The following ATRNL1 variants were observed in gnomAD, a reference collection of about 807,000 sequenced individuals.
ATRNL1 encodes attractin like 1, also known as attractin-like protein 1.
A neutral mutation model predicts 182.7 loss-of-function variants in ATRNL1; 95 were observed. That is an observed-to-expected ratio of 0.52 (90% confidence interval 0.44 to 0.62). The LOEUF is 0.62. ATRNL1 is among the 20% of genes least tolerant of loss of function. The probability of loss-of-function intolerance (pLI) is 0.00; values close to 1 mark genes in which losing one functional copy is unlikely to be tolerated. For missense variants in ATRNL1, 1,471 were observed against 1,679.5 expected (o/e 0.88, Z 2.17); for synonymous variants, 576 against 568.3 (o/e 1.01, Z -0.19).
At chr10:115,611,082 A>G (rs1857132500) in intron 26 of ATRNL1, among the ~76,000 whole-genome samples, 1 of 149,764 alleles carries the variant, frequency 6.7e-6, no homozygotes, top group Admixed American at 6.7e-5. Context: ...ACCTCTTGAT[A>G]AAATTAGTGA....
At chr10:115,403,867 A>G (rs918986192) in intron 20 of ATRNL1, among the ~76,000 whole-genome samples, 1 of 152,222 alleles carries the variant, frequency 6.6e-6, no homozygotes, top group Non-Finnish European at 1.5e-5. Flanking sequence ...GATGTCTAAT[A>G]TATAAGATAC....
At chr10:115,554,630 C>CAT (rs556697270) in intron 26 of ATRNL1, among the ~76,000 whole-genome samples, 88 of 151,722 alleles carry the variant, frequency 5.8e-4, no homozygotes, top group Admixed American at 1.6e-3. Context: ...CACACACACA[C>CAT]ATACACGTGC....
chr10:115,185,887 A>G (rs1330972368), intron 8 of ATRNL1, among the ~76,000 whole-genome samples: 2 of 152,088 alleles, frequency 1.3e-5, no homozygotes, highest in Non-Finnish European at 1.5e-5. Context: ...AGAAAGAGAC[A>G]TTACGTGTGG....
chr10:115,664,915 G>T (rs975039350), intron 26 of ATRNL1, among the ~76,000 whole-genome samples: 8 of 151,994 alleles, frequency 5.3e-5, no homozygotes, highest in Non-Finnish European at 4.4e-5. Flanking sequence ...AACTGTCTCT[G>T]TACTTAAAAA....
At chr10:115,172,786 A>G (rs1268670024) in intron 8 of ATRNL1, among the ~76,000 whole-genome samples, 1 of 149,538 alleles carries the variant, frequency 6.7e-6, no homozygotes. Context: ...TTCTAGCCCT[A>G]CCCATACTTC....
chr10:115,362,515 C>T (rs900183126), intron 19 of ATRNL1, among the ~76,000 whole-genome samples: 1 of 141,108 alleles, frequency 7.1e-6, no homozygotes, highest in Non-Finnish European at 1.5e-5. Flanking sequence ...GTATGCAGTA[C>T]ATTGTTTTTT....
At chr10:115,329,103 A>G (rs1855069391) in intron 18 of ATRNL1, among the ~76,000 whole-genome samples, 1 of 152,122 alleles carries the variant, frequency 6.6e-6, no homozygotes, top group African/African-American at 2.4e-5. Flanking sequence ...CCCTTTCTCC[A>G]CATACATGCC....
intron 21 of ATRNL1, among the ~76,000 whole-genome samples, chr10:115,442,303 C>CTCTCTCTCTCTCTCTCTCTCTCTGTGTG (rs782157017): frequency 8.1e-5 from 10 of 123,862 alleles, no homozygotes; most frequent in Middle Eastern, 4.7e-3. Flanking sequence ...CTCTCTCTCT[C>CTCTCTCTCTCTCTCTCTCTCTCTGTGTG]TGTGTGTATG....
intron 25 of ATRNL1, among the ~76,000 whole-genome samples, chr10:115,525,500 G>A (rs961115194): frequency 1.3e-5 from 2 of 152,134 alleles, no homozygotes; most frequent in African/African-American, 4.8e-5. Context: ...TATAATACTG[G>A]TGCCTCTCTT....
chr10:115,312,698 A>C (rs943082779), intron 17 of ATRNL1, among the ~76,000 whole-genome samples: 18 of 152,234 alleles, frequency 1.2e-4, no homozygotes, highest in Non-Finnish European at 2.4e-4. Flanking sequence ...CCCTCAAATA[A>C]GTTTTTCAGA....
intron 19 of ATRNL1, among the ~76,000 whole-genome samples, chr10:115,360,918 C>T (rs1465277861): frequency 1.3e-5 from 2 of 151,824 alleles, no homozygotes; most frequent in Non-Finnish European, 2.9e-5. Context: ...TGATTATGCA[C>T]TTTTGGCAGG....
At chr10:115,337,573 C>A (rs376684858) in intron 19 of ATRNL1, among the ~76,000 whole-genome samples, 1 of 152,076 alleles carries the variant, frequency 6.6e-6, no homozygotes, top group Non-Finnish European at 1.5e-5. Flanking sequence ...TGGTAACCAT[C>A]CTTTTACTGT....
intron 25 of ATRNL1, among the ~76,000 whole-genome samples, chr10:115,534,435 T>G (rs1851826074): frequency 1.3e-5 from 2 of 152,272 alleles, no homozygotes; most frequent in African/African-American, 4.8e-5. Context: ...ACCCCTGCCT[T>G]TTTTTGTTTT....
intron 19 of ATRNL1, among the ~76,000 whole-genome samples, chr10:115,374,489 T>TTCCTTCCTTCCTTCCTTCCTTCC (rs1333570942): frequency 1.2e-4 from 12 of 96,520 alleles, no homozygotes; most frequent in African/African-American, 5.2e-4. Context: ...TCCTTCCTTC[T>TTCCTTCCTTCCTTCCTTCCTTCC]TTCCTTCCTT....
chr10:115,513,335 G>A (rs1554983125), intron 24 of ATRNL1, among the ~76,000 whole-genome samples: 1 of 151,932 alleles, frequency 6.6e-6, no homozygotes, highest in African/African-American at 2.4e-5. Context: ...GTTAAAAAGC[G>A]ATTTCTTGTC....
At chr10:115,943,568 T>C (rs957712552) in intron 28 of ATRNL1, among the ~76,000 whole-genome samples, 3 of 151,346 alleles carry the variant, frequency 2.0e-5, no homozygotes, top group Non-Finnish European at 4.4e-5. Context: ...CATTCATTGC[T>C]GGTGGAAATA....
At chr10:115,630,143 A>G (rs2133827220) in intron 26 of ATRNL1, among the ~76,000 whole-genome samples, 1 of 152,210 alleles carries the variant, frequency 6.6e-6, no homozygotes, top group East Asian at 1.9e-4. Flanking sequence ...AATTATCAGA[A>G]TTTTATGGTT....
chr10:115,606,295 G>A (rs1856868930), intron 26 of ATRNL1, among the ~76,000 whole-genome samples: 1 of 151,930 alleles, frequency 6.6e-6, no homozygotes, highest in African/African-American at 2.4e-5. Flanking sequence ...GAAAAAAAAT[G>A]CACAGCTGCC....
chr10:115,737,280 C>CCCA (rs1555066202), intron 27 of ATRNL1, among the ~76,000 whole-genome samples: 1 of 147,770 alleles, frequency 6.8e-6, no homozygotes, highest in African/African-American at 2.5e-5. Context: ...CCCCCCCCCC[C>CCCA]AAAAAAAAAG....
Sources: gnomAD v4.1 joint callset for allele counts (sites outside exome capture counted in the v4.1 genomes callset) on GRCh38, gnomAD v4.1.1 for gene constraint, MANE v1.5 for transcripts, NCBI Gene and HGNC (gene_info 2026-07-23, HGNC 2026-07-21) for gene names.